The following LDLRAD4 variants were observed in gnomAD, a reference collection of about 807,000 sequenced individuals.
The protein encoded by LDLRAD4 is low density lipoprotein receptor class A domain containing 4, also known as low-density lipoprotein receptor class A domain-containing protein 4.
LDLRAD4 carries 5 observed loss-of-function variants against 17.0 expected under a neutral mutation model. The ratio of observed to expected loss-of-function variants is 0.29; its 90% confidence interval spans 0.15 to 0.62. The LOEUF (loss-of-function observed/expected upper bound fraction) is 0.62. LDLRAD4 is among the 20% of genes least tolerant of loss of function. The probability of loss-of-function intolerance (pLI) is 0.84; values close to 1 mark genes in which losing one functional copy is unlikely to be tolerated. For missense variants in LDLRAD4, 340 were observed against 424.7 expected, an observed-to-expected ratio of 0.80 and a Z score of 1.75; for synonymous variants, 168 against 171.8, an observed-to-expected ratio of 0.98 and a Z score of 0.17.
intron 1 of LDLRAD4, among the ~76,000 whole-genome samples, chr18:13,262,579 T>C (rs1420102571): frequency 6.1e-5 from 5 of 82,526 alleles, no homozygotes; most frequent in African/African-American, 2.4e-4. Flanking sequence ...CCCGTGCGGC[T>C]CCGTGCGTTG....
intron 3 of LDLRAD4, among the ~76,000 whole-genome samples, chr18:13,577,651 G>A (rs999586310): frequency 3.3e-5 from 5 of 152,160 alleles, no homozygotes; most frequent in African/African-American, 7.2e-5. Context: ...CTCTGTGTGC[G>A]GCGTCTCTAG....
In LDLRAD4 at chr18:13,424,909, C is replaced by T. The variant is rs79510463; in HGVS notation, c.41-13335C>T. 2.7e-3 allele frequency among the ~76,000 whole-genome samples: 412 copies of T among 152,270 alleles called. 3 individuals carry two copies. The highest frequency in any genetic ancestry group is 4.4e-3 in the Non-Finnish European group (296 of 68,020). On this transcript the variant is annotated intron_variant, in intron 2 of 5. Transcript: ENST00000359446. ...GAAGGGCACGTATGCCTCGCTAATA[C>T]GGACTATGTCCTGGAAGTGATGGAA...
intron 2 of LDLRAD4, among the ~76,000 whole-genome samples, chr18:13,401,790 G>A (rs550345782): frequency 6.6e-6 from 1 of 152,322 alleles, no homozygotes; most frequent in South Asian, 2.1e-4. Flanking sequence ...GGACTCTGAG[G>A]CTTTTTCCTT....
rs2040749278 is a variant in LDLRAD4, at chr18:13,622,550, G to T, written c.336+1279G>T. 6.6e-6 allele frequency among the ~76,000 whole-genome samples: 1 copy of T among 152,168 alleles called. No individual in the cohort carries two copies. The highest frequency in any genetic ancestry group is 1.5e-5 in the Non-Finnish European group (1 of 68,024). On this transcript the variant is annotated intron_variant, in intron 4 of 5. Coordinates refer to ENST00000359446, the Ensembl canonical transcript of LDLRAD4. The surrounding 1 kb of genome is among the most constrained non-coding windows in gnomAD (Gnocchi z 5.3). ...GTCCACAAGCCCCTCTGGCCCTGTT[G>T]TGTTACTTTCCTCGAGCCTCCACAG...
intron 3 of LDLRAD4, among the ~76,000 whole-genome samples, chr18:13,562,646 A>T (rs1220895474): frequency 6.6e-6 from 1 of 152,162 alleles, no homozygotes; most frequent in South Asian, 2.1e-4. Flanking sequence ...CATCGTCCCT[A>T]ATGGCCCAGC....
intron 3 of LDLRAD4, chr18:13,520,345 C>G (rs1253600008): frequency 6.6e-6 from 1 of 152,162 alleles, no homozygotes; most frequent in Non-Finnish European, 1.5e-5. Flanking sequence ...AACCATCACC[C>G]TAGACTCTAG....
intron 1 of LDLRAD4, among the ~76,000 whole-genome samples, chr18:13,308,248 T>C (rs548315454): frequency 6.6e-6 from 1 of 152,336 alleles, no homozygotes; most frequent in East Asian, 1.9e-4. Context: ...TCTGCCTTTG[T>C]TTACAGCCAT....
At chr18:13,587,777 A>G (rs1335865237) in intron 3 of LDLRAD4, among the ~76,000 whole-genome samples, 1 of 152,230 alleles carries the variant, frequency 6.6e-6, no homozygotes, top group Non-Finnish European at 1.5e-5. Flanking sequence ...TTGCTCATTC[A>G]TAATCCTGCT....
At chr18:13,507,843 A>T (rs929849495) in intron 3 of LDLRAD4, among the ~76,000 whole-genome samples, 1 of 152,210 alleles carries the variant, frequency 6.6e-6, no homozygotes, top group Non-Finnish European at 1.5e-5. Context: ...CGTGGCCTCT[A>T]TGTGTTCAAG....
At chr18:13,356,990 C>T (rs574335360) in intron 1 of LDLRAD4, among the ~76,000 whole-genome samples, 90 of 151,964 alleles carry the variant, frequency 5.9e-4, no homozygotes, top group Non-Finnish European at 9.7e-4. Context: ...AAAAATTAGC[C>T]GGGTGTGGTG....
intron 1 of LDLRAD4, among the ~76,000 whole-genome samples, chr18:13,364,267 T>C (rs1010701933): frequency 6.6e-6 from 1 of 152,194 alleles, no homozygotes; most frequent in Non-Finnish European, 1.5e-5. Flanking sequence ...GTATTTTCCA[T>C]TTTTTTCCCA....
intron 3 of LDLRAD4, among the ~76,000 whole-genome samples, chr18:13,560,273 G>A (rs527775435): frequency 4.6e-5 from 7 of 152,198 alleles, no homozygotes; most frequent in Non-Finnish European, 7.3e-5. Context: ...GCTGAAGGAC[G>A]AATGTGCACA....
At chr18:13,307,732 A>G (rs983751853) in intron 1 of LDLRAD4, among the ~76,000 whole-genome samples, 1 of 152,212 alleles carries the variant, frequency 6.6e-6, no homozygotes, top group African/African-American at 2.4e-5. Context: ...AATTTTTTAA[A>G]TAACATTTTC....
intron 3 of LDLRAD4, among the ~76,000 whole-genome samples, chr18:13,518,604 C>T (rs558490525): frequency 4.6e-5 from 7 of 152,182 alleles, no homozygotes; most frequent in South Asian, 2.1e-4. Flanking sequence ...TTGTGATTTT[C>T]GTTTTTTAAA....
chr18:13,623,959 G>GCT (rs2040883112), intron 4 of LDLRAD4, among the ~76,000 whole-genome samples: 1 of 152,184 alleles, frequency 6.6e-6, no homozygotes, highest in African/African-American at 2.4e-5. Flanking sequence ...CTCGATCAGG[G>GCT]CTGATTCTGC....
intron 3 of LDLRAD4, among the ~76,000 whole-genome samples, chr18:13,483,092 C>T (rs2093133065): frequency 1.3e-5 from 2 of 152,126 alleles, no homozygotes; most frequent in African/African-American, 2.4e-5. Context: ...GCCTTTCAAT[C>T]TCCATTGTTC....
chr18:13,318,051 T>C (rs542868823), intron 1 of LDLRAD4, among the ~76,000 whole-genome samples: 48 of 152,290 alleles, frequency 3.2e-4, no homozygotes, highest in African/African-American at 1.1e-3. Flanking sequence ...TGGTTGAGTA[T>C]ACATCTGCCA....
chr18:13,397,925 G>A (rs2086834331), intron 2 of LDLRAD4, among the ~76,000 whole-genome samples: 1 of 152,258 alleles, frequency 6.6e-6, no homozygotes. Flanking sequence ...CATAAGGAGT[G>A]AAGATTAATT....
intron 3 of LDLRAD4, chr18:13,520,850 GA>G (rs11292461): frequency 0.98 from 146,792 of 149,048 alleles, 72,286 homozygotes; most frequent in Middle Eastern, 1. Flanking sequence ...GAGACTGTCT[GA>G]AAAAAAAAAA....
Sources: gnomAD v4.1 joint callset for allele counts (sites outside exome capture counted in the v4.1 genomes callset) on GRCh38, gnomAD v4.1.1 for gene constraint, Gnocchi (gnomAD v3.1) non-coding constraint, MANE v1.5 for transcripts, NCBI Gene and HGNC (gene_info 2026-07-23, HGNC 2026-07-21) for gene names.